Variants in MSL3B observed in about 807,000 individuals in gnomAD.
MSL3B encodes MSL complex subunit 3B, also known as MSL complex subunit 3 pseudogene 1.
At chr2:233,867,200 CT>C in the MSL3B span, 18,028 of 775,846 alleles carry the variant, frequency 0.023, 1,332 homozygotes, top group East Asian at 0.24. Context: ...TTCCATTTCC[CT>C]TTTTGTTTGA....
At chr2:233,867,428 CA>C in the MSL3B span, 1 of 470,232 alleles carries the variant, frequency 2.1e-6, no homozygotes, top group African/African-American at 2.0e-5. Flanking sequence ...AGGTGAGCTA[CA>C]GCATTTCTTG....
Sources: gnomAD v4.1 joint callset for allele counts on GRCh38, gnomAD v4.1.1 for gene constraint, MANE v1.5 for transcripts, NCBI Gene and HGNC (gene_info 2026-07-23, HGNC 2026-07-21) for gene names.